DSCAML1: variants seen among roughly 807,000 people sequenced by gnomAD.
DSCAML1 encodes DS cell adhesion molecule like 1, also known as cell adhesion molecule DSCAML1.
DSCAML1 carries 38 observed loss-of-function variants against 200.5 expected under a neutral mutation model. The observed-to-expected ratio is 0.19, with a 90% CI of 0.15 to 0.25. The LOEUF (loss-of-function observed/expected upper bound fraction) is 0.25. Among genes scored for constraint, DSCAML1 ranks in the 10% least tolerant of loss-of-function variants. The pLI, the probability that DSCAML1 is intolerant of heterozygous loss-of-function variation, is 1.00. For synonymous variants in DSCAML1, 1,215 were observed against 1,165.0 expected, an observed-to-expected ratio of 1.04 and a Z score of -0.87; for missense variants, 2,223 against 2,858.8, an observed-to-expected ratio of 0.78 and a Z score of 5.07.
intron 3 of DSCAML1, among the ~76,000 whole-genome samples, chr11:117,583,143 C>G (rs963269378): frequency 1.3e-5 from 2 of 151,956 alleles, no homozygotes; most frequent in Non-Finnish European, 2.9e-5. Context: ...CCTTTCCCCT[C>G]CGCATGCTGA....
At chr11:117,589,139 T>C (rs998914593) in intron 3 of DSCAML1, among the ~76,000 whole-genome samples, 3 of 151,962 alleles carry the variant, frequency 2.0e-5, no homozygotes, top group Non-Finnish European at 2.9e-5. Context: ...TCCTCCACCA[T>C]GGTCAAATGC....
Position 117,797,163 on chromosome 11 carries a change from A to G in DSCAML1, c.-84T>C. 6.3e-7 allele frequency: 1 copy of G among 1,584,442 alleles called. No individual in the cohort carries two copies. Among genetic ancestry groups the G allele is most frequent in the Non-Finnish European group, 8.6e-7 (1 of 1,166,974 alleles). ...CCTCTCCCCCGCTCAGCGCGCTCCC[A>G]GCCGCCCGCACTCGGCGCCCCGCTC... On this transcript the variant is annotated 5_prime_UTR_variant, in exon 1 of 33. Transcript: ENST00000651296.
At chr11:117,816,589 G>A (rs1389269613) in intron 1 of DSCAML1, among the ~76,000 whole-genome samples, 1 of 152,178 alleles carries the variant, frequency 6.6e-6, no homozygotes, top group Admixed American at 6.5e-5. Context: ...AGCGGAGGGA[G>A]GGTGGAAGCC....
At chr11:117,640,764 C>T (rs968641287) in intron 3 of DSCAML1, among the ~76,000 whole-genome samples, 3 of 152,202 alleles carry the variant, frequency 2.0e-5, no homozygotes, top group Non-Finnish European at 2.9e-5. Flanking sequence ...ACTCTCCAGG[C>T]GTTTCCTTTG....
rs542071123 is a variant in DSCAML1 at position 117,505,429 on chromosome 11, C to A, written c.2062+25G>T. ...CAGGCAGAATGGGCTCCTCCCTCCCCTGAGGCTGGCCTGTCCCTGCTCACC... is the reference window on the plus strand; with the variant it reads ...CAGGCAGAATGGGCTCCTCCCTCCCATGAGGCTGGCCTGTCCCTGCTCACC... On this transcript the variant is annotated intron_variant, in intron 9 of 32. Coordinates refer to ENST00000651296, the MANE Select transcript of DSCAML1 (RefSeq NM_020693.4). The surrounding 1 kb of genome is among the most constrained non-coding windows in gnomAD (Gnocchi z 6.7). The A allele has an allele frequency of 9.4e-6, 15 of 1,599,642 alleles. No homozygotes were observed. In the East Asian group the frequency reaches 1.1e-4, roughly 12 times the overall value.
At chr11:117,494,276 A>G (rs977799259) in intron 11 of DSCAML1, among the ~76,000 whole-genome samples, 6 of 152,216 alleles carry the variant, frequency 3.9e-5, no homozygotes, top group African/African-American at 7.2e-5. Context: ...TCTCCGTTGC[A>G]AGGACTCCAC....
At chr11:117,743,790 A>G (rs902211231) in intron 3 of DSCAML1, among the ~76,000 whole-genome samples, 2 of 152,166 alleles carry the variant, frequency 1.3e-5, no homozygotes, top group Non-Finnish European at 2.9e-5. Context: ...GACAGAATTC[A>G]ATACCCACAA....
chr11:117,525,218 C>T, intron 4 of DSCAML1, 135 bp from the exon 5 acceptor site: 1 of 1,092,492 alleles, frequency 9.2e-7, no homozygotes, highest in Non-Finnish European at 1.3e-6. Flanking sequence ...CAGGGCGGCT[C>T]CAGAGGAACA....
In DSCAML1 at chr11:117,480,544, A is replaced by C. The variant is rs143470465; in HGVS notation, c.2684T>G (p.Ile895Ser). The part of the protein sequence containing the change: ...QEPPDPPELE[I>S]REVKARSMNL... The stretch of plus-strand genomic sequence containing the variant: ...CATGCTCCGGGCCTTCACCTCCCGG[A>C]TCTCCAGCTCTGGGGGGTCGGGGGG... Residue 895 changes from isoleucine to serine, a missense_variant, in exon 14 of 33, where the codon ATC becomes AGC. Transcript: ENST00000651296. The surrounding 1 kb of genome is among the most constrained non-coding windows in gnomAD (Gnocchi z 4.1). 1.6e-5 allele frequency: 26 copies of C among 1,576,530 alleles called. No homozygotes were observed. In the African/African-American group the frequency reaches 3.2e-4, roughly 20 times the overall value.
chr11:117,733,572 C>A (rs953545926), intron 3 of DSCAML1, among the ~76,000 whole-genome samples: 10 of 152,338 alleles, frequency 6.6e-5, no homozygotes, highest in African/African-American at 2.4e-4. Context: ...TGCAGTCAGG[C>A]CTGCGGTCCC....
intron 14 of DSCAML1, among the ~76,000 whole-genome samples, chr11:117,474,786 G>A (rs577412097): frequency 5.5e-5 from 8 of 144,630 alleles, no homozygotes; most frequent in Non-Finnish European, 1.2e-4. Flanking sequence ...ATGGAGTCTC[G>A]CTCTGTCGCC....
chr11:117,728,081 T>G (rs2054162153), intron 3 of DSCAML1, among the ~76,000 whole-genome samples: 1 of 152,174 alleles, frequency 6.6e-6, no homozygotes, highest in African/African-American at 2.4e-5. Flanking sequence ...GATTGTGTAC[T>G]ATGACCAAGT....
intron 3 of DSCAML1, among the ~76,000 whole-genome samples, chr11:117,617,087 C>T (rs1052839684): frequency 6.6e-6 from 1 of 152,212 alleles, no homozygotes; most frequent in African/African-American, 2.4e-5. Flanking sequence ...ATTGAATTCT[C>T]ACAACAGTAG....
At chr11:117,807,672 C>T (rs748197587) in intron 1 of DSCAML1, among the ~76,000 whole-genome samples, 4 of 152,130 alleles carry the variant, frequency 2.6e-5, no homozygotes, top group Admixed American at 6.5e-5. Context: ...CAGCAGGTGT[C>T]GCCCAAAGAC....
chr11:117,487,892 T>C (rs1009283585), intron 11 of DSCAML1, among the ~76,000 whole-genome samples: 7 of 152,244 alleles, frequency 4.6e-5, no homozygotes, highest in African/African-American at 1.7e-4. Flanking sequence ...GCTCCCTGCA[T>C]TGGAAGTAGA....
chr11:117,707,323 C>T (rs1013656541), intron 3 of DSCAML1, among the ~76,000 whole-genome samples: 1 of 152,200 alleles, frequency 6.6e-6, no homozygotes, highest in Non-Finnish European at 1.5e-5. Flanking sequence ...GAATCAGTTT[C>T]CTGGCTCCCA....
intron 3 of DSCAML1, among the ~76,000 whole-genome samples, chr11:117,640,762 G>A (rs554547214): frequency 2.5e-4 from 38 of 152,280 alleles, no homozygotes; most frequent in African/African-American, 8.9e-4. Flanking sequence ...TCACTCTCCA[G>A]GCGTTTCCTT....
chr11:117,450,651 T>G lies in DSCAML1; in HGVS notation c.3606A>C (p.Ser1202=). ...GPPAGIKAVP[S]SASSVVVSWL... Reference sequence around the variant, plus strand: ...AAGACACAACCACACTGCTAGCTGATGAAGGGACAGCTTTGATGCCAGCAG... The same window carrying G: ...AAGACACAACCACACTGCTAGCTGAGGAAGGGACAGCTTTGATGCCAGCAG... The change falls in exon 20 of 33, where the codon TCA becomes TCC. Residue 1202 remains serine, a synonymous_variant. Transcript: ENST00000651296. The G allele has an allele frequency of 6.2e-7, 1 of 1,614,028 alleles. No homozygotes were observed. Among genetic ancestry groups the G allele is most frequent in the South Asian group, 1.1e-5 (1 of 91,072 alleles).
At chr11:117,583,925 G>A (rs367646157) in intron 3 of DSCAML1, among the ~76,000 whole-genome samples, 22 of 152,138 alleles carry the variant, frequency 1.4e-4, no homozygotes, top group East Asian at 7.7e-4. Flanking sequence ...CAATGCTTTC[G>A]GCCAAAGAAA....
Sources: allele counts gnomAD v4.1 joint callset (sites outside exome capture counted in the v4.1 genomes callset), GRCh38; gene constraint gnomAD v4.1.1; non-coding constraint Gnocchi (gnomAD v3.1); transcripts MANE v1.5; gene names NCBI Gene and HGNC (gene_info 2026-07-23, HGNC 2026-07-21).